PTK2B: variants seen among roughly 807,000 people sequenced by gnomAD.
The protein encoded by PTK2B is protein-tyrosine kinase 2-beta.
PTK2B carries 71 observed loss-of-function variants against 142.9 expected under a neutral mutation model. The ratio of observed to expected loss-of-function variants is 0.50; its 90% confidence interval spans 0.41 to 0.61. The LOEUF is 0.61. Among genes scored for constraint, PTK2B ranks in the 20% least tolerant of loss-of-function variants. PTK2B has a pLI of 0.00. For missense variants in PTK2B, 1,105 were observed against 1,320.4 expected, an observed-to-expected ratio of 0.84 and a Z score of 2.53; for synonymous variants, 519 against 503.4, an observed-to-expected ratio of 1.03 and a Z score of -0.42.
At chr8:27,417,110 T>C (rs1451145839) in intron 2 of PTK2B, among the ~76,000 whole-genome samples, 1 of 152,238 alleles carries the variant, frequency 6.6e-6, no homozygotes, top group Admixed American at 6.5e-5. Context: ...AATCACAATG[T>C]ATAGTCACAA....
At chr8:27,320,824 C>T (rs1379187337), upstream of PTK2B, among the ~76,000 whole-genome samples, 3 of 151,956 alleles carry the variant, frequency 2.0e-5, no homozygotes, top group South Asian at 4.2e-4. Context: ...TCAACTCAAC[C>T]TTCAGCCCCT....
At chr8:27,456,583 A>C (rs995466138) in intron 30 of PTK2B, among the ~76,000 whole-genome samples, 19 of 152,282 alleles carry the variant, frequency 1.2e-4, no homozygotes, top group African/African-American at 4.6e-4. Flanking sequence ...TAAGAACCCT[A>C]CAGCGGTCTC....
intron 1 of PTK2B, among the ~76,000 whole-genome samples, chr8:27,377,730 C>T (rs1806759879): frequency 1.3e-5 from 2 of 152,198 alleles, no homozygotes; most frequent in Non-Finnish European, 2.9e-5. Context: ...TGAAGGGCGC[C>T]ATTACATTAA....
At position 27,420,709 on chromosome 8, in the gene PTK2B, G is replaced by A. The variant is rs1809690996; in HGVS notation, c.436G>A (p.Glu146Lys). The A allele has an allele frequency of 6.2e-7, 1 of 1,614,040 alleles. No individual in the cohort carries two copies. Among genetic ancestry groups the A allele is most frequent in the African/African-American group, 1.3e-5 (1 of 74,922 alleles). The part of the protein sequence containing the change: ...LPEDFMESLK[E>K]DRTTLLYFYQ... ...AGAAGACTTCATGGAGAGCCTGAAG[G>A]AGGACAGGACCACGCTGCTCTATTT... The change falls in exon 4 of 31, where the codon GAG becomes AAG. Residue 146 changes from glutamate to lysine, a missense_variant. By Grantham distance (56) the Glu-to-Lys change is moderately conservative. Coordinates refer to ENST00000346049, the MANE Select transcript of PTK2B (RefSeq NM_173176.3).
chr8:27,344,384 C>T (rs58485326), intron 1 of PTK2B, among the ~76,000 whole-genome samples: 3,968 of 152,310 alleles, frequency 0.026, 90 homozygotes, highest in Middle Eastern at 0.054. Flanking sequence ...AGCCATGTGA[C>T]CTCAGCACCT....
intron 20 of PTK2B, among the ~76,000 whole-genome samples, 166 bp downstream of exon 20, chr8:27,439,564 G>A (rs770222777): frequency 2.6e-5 from 4 of 152,098 alleles, no homozygotes; most frequent in Non-Finnish European, 5.9e-5. Context: ...GGCCAGTAGG[G>A]GTAGGAAGGG....
chr8:27,434,636 A>G (rs1002791662), intron 13 of PTK2B, 77 bp downstream of exon 13: 2 of 1,467,052 alleles, frequency 1.4e-6, no homozygotes, highest in African/African-American at 1.4e-5. Flanking sequence ...CTCTCGTGAC[A>G]TTGCCGAGGG....
upstream of PTK2B, among the ~76,000 whole-genome samples, chr8:27,320,979 G>GGTTTTTTTTTT (rs1257774872): frequency 3.1e-5 from 1 of 32,658 alleles, no homozygotes. Flanking sequence ...CATACAAAAG[G>GGTTTTTTTTTT]CTTTTTTTTT....
intron 7 of PTK2B, 127 bp from the exon 8 acceptor site, chr8:27,430,749 C>A: frequency 7.5e-7 from 1 of 1,337,246 alleles, no homozygotes; most frequent in Admixed American, 2.1e-5. Flanking sequence ...TAGATCACAG[C>A]TGCTTTTGGG....
chr8:27,384,041 G>C (rs1308731949), intron 1 of PTK2B, among the ~76,000 whole-genome samples: 1 of 151,198 alleles, frequency 6.6e-6, no homozygotes, highest in Non-Finnish European at 1.5e-5. Context: ...GTAGAGACAG[G>C]GTTTCTCCAT....
upstream of PTK2B, among the ~76,000 whole-genome samples, chr8:27,320,674 G>T (rs1346216764): frequency 6.6e-6 from 1 of 152,182 alleles, no homozygotes. Context: ...CTGTGGGAAG[G>T]GGCATGGAGC....
At chr8:27,428,795 T>C (rs1017288940) in intron 5 of PTK2B, among the ~76,000 whole-genome samples, 7 of 152,222 alleles carry the variant, frequency 4.6e-5, no homozygotes, top group African/African-American at 1.7e-4. Context: ...TCTTAAGAGG[T>C]AATTACTTAT....
chr8:27,429,978 C>T (rs1323384863), intron 5 of PTK2B, 115 bp from the exon 6 acceptor site: 2 of 951,260 alleles, frequency 2.1e-6, no homozygotes, highest in Non-Finnish European at 3.4e-6. Flanking sequence ...TTCCTTTCTC[C>T]TGATGATTCC....
intron 1 of PTK2B, among the ~76,000 whole-genome samples, chr8:27,339,369 G>A (rs541339490): frequency 2.6e-5 from 4 of 152,146 alleles, no homozygotes; most frequent in Non-Finnish European, 5.9e-5. Flanking sequence ...CCTTCTCTGG[G>A]GTGAGACAGT....
intron 2 of PTK2B, among the ~76,000 whole-genome samples, chr8:27,398,382 C>T (rs1808191535): frequency 6.6e-6 from 1 of 152,188 alleles, no homozygotes; most frequent in Non-Finnish European, 1.5e-5. Context: ...TTCATCAGGG[C>T]ACCTGGACAC....
At position 27,458,537 on chromosome 8, in the gene PTK2B, C is replaced by G. The variant is rs768105351; in HGVS notation, c.*28C>G. On this transcript the variant is annotated 3_prime_UTR_variant, in exon 31 of 31. Coordinates refer to ENST00000346049, the MANE Select transcript of PTK2B (RefSeq NM_173176.3). Reference sequence around the variant, plus strand: ...GAGGGTGGGGGCCACCTGCCTGCGTCTTCCGCCCCTGCCTGCCATGTACCT... The same window carrying G: ...GAGGGTGGGGGCCACCTGCCTGCGTGTTCCGCCCCTGCCTGCCATGTACCT... 1 of 1,546,122 alleles carries G rather than the reference C, an allele frequency of 6.5e-7. No homozygotes were observed. The highest frequency in any genetic ancestry group is 1.2e-5 in the South Asian group (1 of 84,062).
intron 2 of PTK2B, among the ~76,000 whole-genome samples, chr8:27,418,902 C>T (rs1303371956): frequency 6.6e-6 from 1 of 152,176 alleles, no homozygotes; most frequent in Non-Finnish European, 1.5e-5. Context: ...GTGGTGCCTA[C>T]CTGTAGTCCC....
At chr8:27,412,899 G>C (rs2043064) in intron 2 of PTK2B, among the ~76,000 whole-genome samples, 129,523 of 152,058 alleles carry the variant, frequency 0.85, 55,918 homozygotes, top group Middle Eastern at 0.95. Flanking sequence ...AGGGGAGAAG[G>C]TGCACGGCCG....
rs143848446 is a variant in PTK2B, at chr8:27,350,601, C to A, written c.-38+24920C>A. ...CCTCCTGTTAATAAGTGGGGGAACT[C>A]CTGCTTCGTAATAAAGTTGCAAGAG... On this transcript the variant is annotated intron_variant, in intron 1 of 30. Transcript: ENST00000346049. Among the ~76,000 whole-genome samples, 247 of 152,154 alleles carry A rather than the reference C, an allele frequency of 1.6e-3. 1 individual carries two copies. Among genetic ancestry groups the A allele is most frequent in the African/African-American group, 4.5e-3 (187 of 41,474 alleles).
Sources: gnomAD v4.1 joint callset for allele counts (sites outside exome capture counted in the v4.1 genomes callset) on GRCh38, gnomAD v4.1.1 for gene constraint, MANE v1.5 for transcripts, NCBI Gene and HGNC (gene_info 2026-07-23, HGNC 2026-07-21) for gene names.